Variants in DLEC1 observed in about 807,000 individuals in gnomAD.
The protein encoded by DLEC1 is deleted in lung and esophageal cancer protein 1.
In DLEC1, 146 loss-of-function variants were observed where a neutral mutation model predicts 198.1. The ratio of observed to expected loss-of-function variants is 0.74; its 90% CI spans 0.64 to 0.85. The LOEUF (loss-of-function observed/expected upper bound fraction) is 0.85, where lower values mean the gene tolerates loss of function less well. DLEC1 is among the 40% of genes least tolerant of loss of function. The probability of loss-of-function intolerance (pLI) is 0.00; values close to 1 mark genes in which losing one functional copy is unlikely to be tolerated. For synonymous variants in DLEC1, 897 were observed against 866.8 expected, an observed-to-expected ratio of 1.03 and a Z score of -0.61; for missense variants, 2,233 against 2,220.0, an observed-to-expected ratio of 1.01 and a Z score of -0.12.
chr3:38,054,595 A>T (rs569857461), intron 2 of DLEC1, among the ~76,000 whole-genome samples: 1 of 152,354 alleles, frequency 6.6e-6, no homozygotes, highest in East Asian at 1.9e-4. Flanking sequence ...CTGCTTTTTC[A>T]GTGGACAGTC....
intron 19 of DLEC1, 31 bp downstream of exon 19, chr3:38,100,456 C>G (rs1699249483): frequency 6.3e-7 from 1 of 1,586,810 alleles, no homozygotes; most frequent in South Asian, 1.1e-5. Context: ...GCCACTACAA[C>G]AAACTATGCA....
At chr3:38,113,260 C>T (rs780686576) in intron 25 of DLEC1, among the ~76,000 whole-genome samples, 1 of 152,232 alleles carries the variant, frequency 6.6e-6, no homozygotes, top group Non-Finnish European at 1.5e-5. Flanking sequence ...GGTGAAGATA[C>T]AGGGGAAAGG....
At position 38,123,732 on chromosome 3, in the gene DLEC1, G is replaced by A. The variant is rs1479785337; in HGVS notation, c.*1320G>A. 1 of 152,294 alleles carries A rather than the reference G, an allele frequency of 6.6e-6. No individual in the cohort carries two copies. The highest frequency in any genetic ancestry group is 2.4e-5 in the African/African-American group (1 of 41,430). 9.4% of individuals were successfully genotyped at this position (152,294 alleles called of 1,614,324 possible). ...TATTTACATTTTTAGGCCAGGTGTG[G>A]TGGCTCAAACCTGTAATCCCAACAC... On this transcript the variant is annotated 3_prime_UTR_variant, in exon 37 of 37. Coordinates refer to ENST00000308059, the MANE Select transcript of DLEC1 (RefSeq NM_007335.4).
Position 38,123,202 on chromosome 3 carries a change from A to G in DLEC1, c.*790A>G. 1 of 1,382,812 alleles carries G rather than the reference A, an allele frequency of 7.2e-7. No homozygotes were observed. Among genetic ancestry groups the G allele is most frequent in the Non-Finnish European group, 1.0e-6 (1 of 972,696 alleles). The allele number at this position is 1,382,812 out of a possible 1,614,324, so 85.7% of individuals were successfully genotyped here. ...GACCAGGCTGACCCAGAAGGACGTC[A>G]TGGACAAGTAGGATGCAAAACCATC... On this transcript the variant is annotated 3_prime_UTR_variant, in exon 37 of 37. Transcript: ENST00000308059.
Position 38,115,019 on chromosome 3 carries a change from C to A in DLEC1, c.3822C>A (p.Thr1274=). 1 of 1,614,034 alleles carries A rather than the reference C, an allele frequency of 6.2e-7. No individual in the cohort carries two copies. The highest frequency in any genetic ancestry group is 1.1e-5 in the South Asian group (1 of 91,020). ...GTQVSGGDTV[T]RTLRLNNSSP... ...AGGTCTCCGGAGGAGACACAGTTACCCGAACCCTTCGCCTGAATAACTCCA... is the reference window on the plus strand; with the variant it reads ...AGGTCTCCGGAGGAGACACAGTTACACGAACCCTTCGCCTGAATAACTCCA... Residue 1274 remains threonine (T), a synonymous_variant, in exon 27 of 37, where the codon ACC becomes ACA. Transcript: ENST00000308059.
At chr3:38,085,594 C>A in intron 8 of DLEC1, 147 bp downstream of exon 8, 1 of 948,726 alleles carries the variant, frequency 1.1e-6, no homozygotes, top group East Asian at 2.5e-5. Flanking sequence ...AAACTGCTAG[C>A]AGCTTCTGTA....
intron 3 of DLEC1, among the ~76,000 whole-genome samples, chr3:38,061,951 A>G (rs1696709387): frequency 6.6e-6 from 1 of 152,232 alleles, no homozygotes; most frequent in South Asian, 2.1e-4. Context: ...TGCTGGGATG[A>G]TAGGTGTGAG....
chr3:38,056,390 A>G (rs1188334139), intron 2 of DLEC1, among the ~76,000 whole-genome samples: 1 of 151,652 alleles, frequency 6.6e-6, no homozygotes, highest in African/African-American at 2.4e-5. Flanking sequence ...ATCCACTGCA[A>G]CCTCTCTCTC....
At chr3:38,084,577 TGGGG>T (rs752002906) in intron 7 of DLEC1, among the ~76,000 whole-genome samples, 1 of 502 alleles carries the variant, frequency 2.0e-3, no homozygotes, top group South Asian at 0.071. Context: ...GTAGTAGTAG[TGGGG>T]GGGTGGTAGT....
At chr3:38,064,007 CTT>C (rs71094947) in intron 6 of DLEC1, 88 bp downstream of exon 6, 5,059 of 442,062 alleles carry the variant, frequency 0.011, no homozygotes, top group Middle Eastern at 0.016. Context: ...TTTTTTTTTT[CTT>C]TTTTTTTTTT....
chr3:38,067,807 C>T (rs992837179), intron 6 of DLEC1, among the ~76,000 whole-genome samples: 8 of 143,300 alleles, frequency 5.6e-5, no homozygotes, highest in Admixed American at 1.5e-4. Context: ...AGCTGGAGTG[C>T]AGTTGCAGGA....
At chr3:38,085,517 C>G in intron 8 of DLEC1, 70 bp downstream of exon 8, 1 of 1,565,252 alleles carries the variant, frequency 6.4e-7, no homozygotes, top group Non-Finnish European at 8.7e-7. Context: ...CTGCCTGCCT[C>G]TCAGGTTCCC....
chr3:38,045,484 G>T (rs1357755222), intron 1 of DLEC1, 59 bp from the exon 2 acceptor site: 14 of 1,571,790 alleles, frequency 8.9e-6, no homozygotes, highest in Non-Finnish European at 1.1e-5. Context: ...GCTGAGTAAA[G>T]CTAAGTAATG....
intron 26 of DLEC1, among the ~76,000 whole-genome samples, chr3:38,114,688 A>G (rs923127446): frequency 6.6e-6 from 1 of 152,154 alleles, no homozygotes; most frequent in Non-Finnish European, 1.5e-5. Context: ...AGTGGCGAGT[A>G]GTCAGTGTGG....
At chr3:38,081,890 G>A (rs1412704310) in intron 6 of DLEC1, among the ~76,000 whole-genome samples, 1 of 148,464 alleles carries the variant, frequency 6.7e-6, no homozygotes, top group Non-Finnish European at 1.5e-5. Context: ...CCGGGCGGGG[G>A]GCTGACCCCC....
chr3:38,046,275 T>C (rs943061459), intron 2 of DLEC1, among the ~76,000 whole-genome samples: 1 of 152,186 alleles, frequency 6.6e-6, no homozygotes, highest in Non-Finnish European at 1.5e-5. Flanking sequence ...TGATATGGTT[T>C]GTCTGCATCC....
rs377159175 is a variant in DLEC1, at chr3:38,116,546, G to A, written c.3950G>A (p.Arg1317Gln). 38 of 1,613,992 alleles carry A rather than the reference G, an allele frequency of 2.4e-5. No homozygotes were observed. The highest frequency in any genetic ancestry group is 5.0e-5 in the Admixed American group (3 of 60,000). ...TTTTATGGGCCACCTTTCCCGCTGC[G>A]GGACCAAGCCGGGAATGAGCTTGTG... ...LVFYGPPFPL[R>Q]DQAGNELVCP... is the part of the protein sequence containing the mutation. Residue 1317 changes from arginine (R) to glutamine (Q), a missense_variant, in exon 28 of 37, where the codon CGG becomes CAG. By Grantham distance (43) the Arg-to-Gln change is conservative. Coordinates refer to ENST00000308059, the MANE Select transcript of DLEC1 (RefSeq NM_007335.4).
rs757256074 is a variant in DLEC1 at position 38,097,611 on chromosome 3, G to T, written c.2539G>T (p.Val847Leu). The T allele has an allele frequency of 6.8e-6, 11 of 1,614,210 alleles. No homozygotes were observed. The South Asian group carries it at 1.2e-4, about 18-fold the overall frequency. Residue 847 changes from valine (V) to leucine (L), a missense_variant, in exon 17 of 37, where the codon GTG becomes TTG. By Grantham distance (32) the Val-to-Leu change is conservative. Transcript: ENST00000308059. ...CEIEDSPSPV[V>L]LHIEAVFKGP... ...AATCGAAGACTCGCCCTCGCCAGTG[G>T]TGTTACACATTGAGGCTGTCTTTAA...
At position 38,059,943 on chromosome 3, in the gene DLEC1, C is replaced by T. The variant is rs891590185; in HGVS notation, c.673+91C>T. The T allele has an allele frequency of 1.1e-5, 12 of 1,076,010 alleles. No individual in the cohort carries two copies. In the African/African-American group the frequency reaches 1.8e-4, roughly 16 times the overall value. 66.7% of individuals were successfully genotyped at this position (1,076,010 alleles called of 1,614,324 possible). On this transcript the variant is annotated intron_variant, in intron 3 of 36. Coordinates refer to ENST00000308059, the MANE Select transcript of DLEC1 (RefSeq NM_007335.4). Reference sequence around the variant, plus strand: ...CCACCTCTGCTGCCATTTCCTTGCTCAGAGGTTTTTTTCACCTTTTCTTTA... The same window carrying T: ...CCACCTCTGCTGCCATTTCCTTGCTTAGAGGTTTTTTTCACCTTTTCTTTA...
Sources: allele counts gnomAD v4.1 joint callset (sites outside exome capture counted in the v4.1 genomes callset), GRCh38; gene constraint gnomAD v4.1.1; transcripts MANE v1.5; gene names NCBI Gene and HGNC (gene_info 2026-07-23, HGNC 2026-07-21).